FAAH2: variants seen among roughly 807,000 people sequenced by gnomAD.
FAAH2 encodes fatty acid amide hydrolase 2, also known as fatty-acid amide hydrolase 2.
Under a neutral mutation model 36.9 loss-of-function variants are expected in FAAH2, and 60 were observed. That is an observed-to-expected ratio of 1.63 (90% CI 1.32 to 2.02). FAAH2 has a LOEUF of 2.02. FAAH2 is among the 30% of genes most tolerant of loss of function. The probability of loss-of-function intolerance (pLI) is 0.00; values close to 1 mark genes in which losing one functional copy is unlikely to be tolerated. For synonymous variants in FAAH2, 214 were observed against 143.8 expected (o/e 1.49, Z -3.49); for missense variants, 689 against 397.5 (o/e 1.73, Z -6.23).
At chrX:57,176,108 C>T in the FAAH2 span, among the ~76,000 whole-genome samples, 1 of 111,501 alleles carries the variant, frequency 9.0e-6, no homozygotes, top group South Asian at 3.7e-4. Context: ...CTTGTATTTG[C>T]ATGTCTGTAT....
intron 10 of FAAH2, among the ~76,000 whole-genome samples, chrX:57,473,019 G>T (rs2057198171): frequency 9.1e-6 from 1 of 110,200 alleles, no homozygotes; most frequent in Non-Finnish European, 1.9e-5. Context: ...GCTTTTTGTG[G>T]TCTCAATCCT....
rs1370498759 is a variant in FAAH2 at position 57,432,150 on chromosome X, G to T, written c.1116+113G>T. The T allele has an allele frequency of 7.0e-6, 4 of 570,004 alleles. No individual in the cohort carries two copies. In the African/African-American group the frequency reaches 9.6e-5, roughly 14 times the overall value. 47.0% of individuals were successfully genotyped at this position (570,004 alleles called of 1,213,427 possible). On this transcript the variant is annotated intron_variant, in intron 8 of 10. Coordinates refer to ENST00000374900, the MANE Select transcript of FAAH2 (RefSeq NM_174912.4). ...GAAAAGAAACTCATGAAAAAAATAAGTAAAATAGTAAAATATTTAAAGAAA... is the reference window on the plus strand; with the variant it reads ...GAAAAGAAACTCATGAAAAAAATAATTAAAATAGTAAAATATTTAAAGAAA...
At chrX:57,145,389 G>A in the FAAH2 span, among the ~76,000 whole-genome samples, 4 of 110,445 alleles carry the variant, frequency 3.6e-5, no homozygotes, top group South Asian at 3.8e-4. Flanking sequence ...TCCTTACCCC[G>A]CTTTTTGATG....
At chrX:57,477,012 G>A (rs764343737) in intron 10 of FAAH2, among the ~76,000 whole-genome samples, 2 of 110,308 alleles carry the variant, frequency 1.8e-5, no homozygotes, top group Non-Finnish European at 3.8e-5. Flanking sequence ...ATTCTCTGAT[G>A]GTAATTTGTA....
chrX:57,223,723 T>C, the FAAH2 span, among the ~76,000 whole-genome samples: 8 of 111,913 alleles, frequency 7.1e-5, no homozygotes, highest in African/African-American at 2.6e-4. Flanking sequence ...TCCAGGTAGA[T>C]AAAAGCATTC....
At chrX:57,414,462 G>A (rs1302397766) in intron 7 of FAAH2, among the ~76,000 whole-genome samples, 1 of 111,586 alleles carries the variant, frequency 9.0e-6, no homozygotes, top group African/African-American at 3.3e-5. Flanking sequence ...TTTCTGCATC[G>A]ATTCAGATAA....
At position 57,306,992 on chromosome X, in the gene FAAH2, C is replaced by CATATATATATATATATATATATATATAT. The variant is rs1569245607; in HGVS notation, c.276-3600_276-3599insTATATATATATATATATATATATATATA. On this transcript the variant is annotated intron_variant, in intron 2 of 10. Transcript: ENST00000374900. ...ACACACGTATACACACACACACACA[C>CATATATATATATATATATATATATATAT]AGATACATATATATATATATATATA... Among the ~76,000 whole-genome samples the CATATATATATATATATATATATATATAT allele has an allele frequency of 7.5e-4, 6 of 8,036 alleles. 2 individuals are homozygous for CATATATATATATATATATATATATATAT. The Non-Finnish European group carries it at 0.013, about 17-fold the overall frequency. 7.0% of individuals were successfully genotyped at this position (8,036 alleles called of 115,157 possible).
At chrX:57,485,550 AG>A (rs1238486964) in intron 10 of FAAH2, among the ~76,000 whole-genome samples, 1 of 111,993 alleles carries the variant, frequency 8.9e-6, no homozygotes, top group East Asian at 2.8e-4. Context: ...CAGGGGAAGG[AG>A]GGATGGCATA....
intron 3 of FAAH2, among the ~76,000 whole-genome samples, chrX:57,317,169 T>A (rs978436389): frequency 1.8e-5 from 2 of 111,867 alleles, no homozygotes; most frequent in East Asian, 2.8e-4. Context: ...AATAACAATA[T>A]TAGCCTTAAA....
chrX:57,433,621 A>G (rs1450618804), intron 8 of FAAH2, among the ~76,000 whole-genome samples: 2 of 111,893 alleles, frequency 1.8e-5, no homozygotes, highest in African/African-American at 3.2e-5. Context: ...TTGTGGTGTA[A>G]CTTTCCAATT....
intron 7 of FAAH2, among the ~76,000 whole-genome samples, chrX:57,388,897 C>T (rs1043540746): frequency 3.6e-5 from 4 of 110,077 alleles, no homozygotes; most frequent in Non-Finnish European, 7.6e-5. Flanking sequence ...CATTGAAATA[C>T]GCATTTAAGT....
chrX:57,361,895 A>T (rs1320174073), intron 5 of FAAH2, among the ~76,000 whole-genome samples: 1 of 111,305 alleles, frequency 9.0e-6, no homozygotes, highest in Non-Finnish European at 1.9e-5. Context: ...TCATGTTTGA[A>T]GGAAACTCTG....
chrX:57,200,129 C>T, the FAAH2 span, among the ~76,000 whole-genome samples: 1 of 109,341 alleles, frequency 9.1e-6, no homozygotes, highest in African/African-American at 3.3e-5. Context: ...TGCCATTTTG[C>T]TATTTGTTTT....
chrX:57,215,746 G>T, the FAAH2 span, among the ~76,000 whole-genome samples: 1 of 109,345 alleles, frequency 9.1e-6, no homozygotes, highest in Admixed American at 9.8e-5. Context: ...GTTCTCATTC[G>T]TAAGTGGGAG....
chrX:57,447,530 G>A (rs767950836), intron 9 of FAAH2, among the ~76,000 whole-genome samples: 2 of 112,174 alleles, frequency 1.8e-5, no homozygotes, highest in South Asian at 3.7e-4. Flanking sequence ...GGGCAGTCAG[G>A]CATTTTCATA....
chrX:57,211,502 G>A, the FAAH2 span, among the ~76,000 whole-genome samples: 1 of 111,699 alleles, frequency 9.0e-6, no homozygotes, highest in African/African-American at 3.3e-5. Flanking sequence ...TTTACAACCT[G>A]GCCCATTGCC....
chrX:57,466,434 G>A (rs1397470410), intron 10 of FAAH2, among the ~76,000 whole-genome samples: 1 of 100,013 alleles, frequency 1.0e-5, no homozygotes, highest in Non-Finnish European at 2.0e-5. Flanking sequence ...ATAATATACT[G>A]GAAAAGTATA....
chrX:57,393,913 T>G (rs1330760636), intron 7 of FAAH2: 1 of 1,034,797 alleles, frequency 9.7e-7, no homozygotes, highest in African/African-American at 1.9e-5. Context: ...TCTCTTCATC[T>G]GTCAGTGTGG....
At chrX:57,417,657 T>C (rs947461885) in intron 7 of FAAH2, among the ~76,000 whole-genome samples, 3 of 111,503 alleles carry the variant, frequency 2.7e-5, no homozygotes, top group African/African-American at 9.8e-5. Context: ...CTGTATGAGG[T>C]GTCTGTCGAC....
Sources: allele counts gnomAD v4.1 joint callset (sites outside exome capture counted in the v4.1 genomes callset), GRCh38; gene constraint gnomAD v4.1.1; transcripts MANE v1.5; gene names NCBI Gene and HGNC (gene_info 2026-07-23, HGNC 2026-07-21).